DEK: variants seen among roughly 807,000 people sequenced by gnomAD.
DEK encodes the protein DEK proto-oncogene.
Under a neutral mutation model 46.8 loss-of-function variants are expected in DEK, and 28 were observed. The observed-to-expected ratio is 0.60, with a 90% CI of 0.44 to 0.82. The LOEUF (loss-of-function observed/expected upper bound fraction) is 0.82, where lower values mean the gene tolerates loss of function less well. DEK is among the 40% of genes least tolerant of loss of function. The pLI is 0.00. For missense variants in DEK, 416 were observed against 430.6 expected, an observed-to-expected ratio of 0.97 and a Z score of 0.30; for synonymous variants, 160 against 144.5, an observed-to-expected ratio of 1.11 and a Z score of -0.77.
chr6:18,257,859 G>T, intron 4 of DEK, 94 bp downstream of exon 4: 1 of 836,498 alleles, frequency 1.2e-6, no homozygotes, highest in Non-Finnish European at 1.9e-6. Flanking sequence ...GTCATAAAGT[G>T]TGGAAATTGA....
Position 18,264,200 on chromosome 6 carries a change from A to G in DEK, c.-10+185T>C, listed in dbSNP as rs374671820. On this transcript the variant is annotated intron_variant, in intron 1 of 10. Coordinates refer to ENST00000652689, the MANE Select transcript of DEK (RefSeq NM_003472.4). ...GCCGTCCAGGGATTCCCGAGGCGGG[A>G]AACCGCGCCCGCTGCCCCGCGTGCG... is the stretch of plus-strand genomic sequence containing the variant. The G allele has an allele frequency of 4.4e-5, 18 of 408,990 alleles. No individual in the cohort carries two copies. The East Asian group carries it at 4.7e-4, about 11-fold the overall frequency. 25.3% of individuals were successfully genotyped at this position (408,990 alleles called of 1,614,324 possible).
chr6:18,237,410 G>C lies in DEK; in HGVS notation c.869C>G (p.Thr290Ser). Residue 290 changes from threonine to serine, a missense_variant, in exon 8 of 11, where the codon ACC (threonine) becomes AGC (serine). By Grantham distance (58) the Thr-to-Ser change is moderately conservative (BLOSUM62 1). Transcript: ENST00000652689. ...TTTGGAACTGTTTTGATTCTTCTTG[G>C]TGGTGCTGCTATCTGCTTTCTTAAC... ...ANVKKADSST[T>S]KKNQNSSKKE... 1 of 1,603,564 alleles carries C rather than the reference G, an allele frequency of 6.2e-7. No individual in the cohort carries two copies.
At chr6:18,245,353 T>C (rs1320192768) in intron 7 of DEK, among the ~76,000 whole-genome samples, 1 of 152,232 alleles carries the variant, frequency 6.6e-6, no homozygotes, top group African/African-American at 2.4e-5. Context: ...GGCCCTAGAA[T>C]GTCCCTGTCT....
At position 18,259,430 on chromosome 6, in the gene DEK, A is replaced by AAAAAAAAAAAT. The variant is rs1554162685; in HGVS notation, c.146-1026_146-1025insATTTTTTTTTT. ...AAAAAAAAAAAAAAAAAAAAAAAAA[A>AAAAAAAAAAAT]AAATCTAGAAAACAGGTAGCATATA... On this transcript the variant is annotated intron_variant, in intron 2 of 10. Coordinates refer to ENST00000652689, the MANE Select transcript of DEK (RefSeq NM_003472.4). Among the ~76,000 whole-genome samples the AAAAAAAAAAAT allele has an allele frequency of 2.8e-4, 27 of 96,842 alleles. 3 individuals carry two copies. The highest frequency in any genetic ancestry group is 4.9e-3 in the Middle Eastern group (1 of 206). 63.5% of individuals were successfully genotyped at this position (96,842 alleles called of 152,430 possible).
At chr6:18,225,908 T>C (rs1025781688) in intron 10 of DEK, 178 bp from the exon 11 acceptor site, 9 of 781,526 alleles carry the variant, frequency 1.2e-5, no homozygotes, top group Admixed American at 3.1e-5. Flanking sequence ...CAAGTATTTG[T>C]GAGAGCAACG....
At chr6:18,239,044 C>A (rs762316497) in intron 7 of DEK, among the ~76,000 whole-genome samples, 12 of 152,108 alleles carry the variant, frequency 7.9e-5, no homozygotes, top group Non-Finnish European at 2.9e-5. Context: ...CCTGCCTCAG[C>A]CTCTTGAGTA....
rs1238634763 is a variant in DEK at position 18,249,773 on chromosome 6, C to A, written c.640G>T (p.Ala214Ser). 1 of 1,613,752 alleles carries A rather than the reference C, an allele frequency of 6.2e-7. No homozygotes were observed. The stretch of plus-strand genomic sequence containing the variant: ...CATTTGGTTCGCTTAGCCTTCCTTG[C>A]CATTCCAGAACTGTTCCGTTCCTTT... ...SKKERNSSGM[A>S]RKAKRTKCPE... is the part of the protein sequence containing the mutation. The change falls in exon 7 of 11, where the codon GCA becomes TCA. Residue 214 changes from alanine (A) to serine (S), a missense_variant. Ala to Ser is a moderately conservative substitution (Grantham distance 99). Transcript: ENST00000652689.
chr6:18,227,830 ACTT>A (rs1790209553), intron 9 of DEK, among the ~76,000 whole-genome samples: 1 of 152,072 alleles, frequency 6.6e-6, no homozygotes. Flanking sequence ...TTTAGGGAAA[ACTT>A]CTTTCTTCTC....
At chr6:18,235,229 TTCC>T (rs1319970342) in intron 9 of DEK, among the ~76,000 whole-genome samples, 1 of 152,236 alleles carries the variant, frequency 6.6e-6, no homozygotes, top group African/African-American at 2.4e-5. Flanking sequence ...AGCCTCTGAA[TTCC>T]TCATTTATTT....
At position 18,256,272 on chromosome 6, in the gene DEK, C is replaced by A; in HGVS notation, c.452+89G>T. The A allele has an allele frequency of 2.6e-6, 3 of 1,147,204 alleles. No homozygotes were observed. In the South Asian group the frequency reaches 4.6e-5, roughly 17 times the overall value. The allele number at this position is 1,147,204 out of a possible 1,614,324, so 71.1% of individuals were successfully genotyped here. A position where few individuals can be genotyped will look rare whatever the true frequency, so the allele number is the denominator to read the frequency against. The stretch of plus-strand genomic sequence containing the variant: ...AAAGTGCTGGGATTACAGGTGTGAG[C>A]CACTGTGCCTGGCCCGAATGTGATT... On this transcript the variant is annotated intron_variant, in intron 5 of 10. Transcript: ENST00000652689.
intron 9 of DEK, among the ~76,000 whole-genome samples, chr6:18,228,823 G>T (rs989197368): frequency 6.6e-6 from 1 of 152,256 alleles, no homozygotes; most frequent in Non-Finnish European, 1.5e-5. Context: ...GCAAGGCTGG[G>T]GGAGGGGCGC....
At chr6:18,238,994 G>C in intron 7 of DEK, among the ~76,000 whole-genome samples, 1 of 151,868 alleles carries the variant, frequency 6.6e-6, no homozygotes, top group East Asian at 1.9e-4. Flanking sequence ...GCATGATCTC[G>C]GCTCACCGCA....
chr6:18,225,437 C>T lies in DEK; in HGVS notation c.*282G>A, dbSNP rs1561969195. 4 of 379,618 alleles carry T rather than the reference C, an allele frequency of 1.1e-5. No individual in the cohort carries two copies. The highest frequency in any genetic ancestry group is 1.9e-5 in the Non-Finnish European group (4 of 211,030). The allele number at this position is 379,618 out of a possible 1,614,324, so 23.5% of individuals were successfully genotyped here. A position where few individuals can be genotyped will look rare whatever the true frequency, so the allele number is the denominator to read the frequency against. ...CTAAAAACCACAACAGCTCAAGAAT[C>T]TATGACCTTATATAAAGAAATCCAA... On this transcript the variant is annotated 3_prime_UTR_variant, in exon 11 of 11. Transcript: ENST00000652689.
chr6:18,235,082 TA>T (rs1790589330), intron 9 of DEK, among the ~76,000 whole-genome samples: 1 of 152,240 alleles, frequency 6.6e-6, no homozygotes, highest in Admixed American at 6.5e-5. Flanking sequence ...ACTGTCATTT[TA>T]ATGATGATAT....
In DEK at chr6:18,257,277, C is replaced by T. The variant is rs924305093; in HGVS notation, c.357+676G>A. 2.0e-5 allele frequency among the ~76,000 whole-genome samples: 3 copies of T among 152,012 alleles called. No individual in the cohort carries two copies. The South Asian group carries it at 6.2e-4, about 32-fold the overall frequency. Reference sequence around the variant, plus strand: ...ATGTATGATCTCATACAAATCATACCGACATTCACTTATTCTGAATGTCGA... The same window carrying T: ...ATGTATGATCTCATACAAATCATACTGACATTCACTTATTCTGAATGTCGA... On this transcript the variant is annotated intron_variant, in intron 4 of 10. Coordinates refer to ENST00000652689, the MANE Select transcript of DEK (RefSeq NM_003472.4).
intron 7 of DEK, among the ~76,000 whole-genome samples, chr6:18,242,096 G>A (rs1462854244): frequency 6.6e-6 from 1 of 152,210 alleles, no homozygotes; most frequent in Non-Finnish European, 1.5e-5. Flanking sequence ...TAAACAAGAA[G>A]CTTTAGAAAG....
chr6:18,243,357 G>A (rs575756920), intron 7 of DEK, among the ~76,000 whole-genome samples: 2 of 151,782 alleles, frequency 1.3e-5, no homozygotes, highest in African/African-American at 4.8e-5. Context: ...AAAATGCTCA[G>A]GTATAGAATA....
chr6:18,259,789 C>A (rs151221791), intron 2 of DEK, among the ~76,000 whole-genome samples: 1 of 152,172 alleles, frequency 6.6e-6, no homozygotes, highest in Admixed American at 6.5e-5. Context: ...AGCACGTGTG[C>A]TGGCTTTTAA....
chr6:18,249,261 T>G (rs1791258116), intron 7 of DEK, among the ~76,000 whole-genome samples: 1 of 152,226 alleles, frequency 6.6e-6, no homozygotes, highest in East Asian at 1.9e-4. Flanking sequence ...CCTTGCTTTT[T>G]CCGTAAAATA....
Sources: gnomAD v4.1 joint callset for allele counts (sites outside exome capture counted in the v4.1 genomes callset) on GRCh38, gnomAD v4.1.1 for gene constraint, MANE v1.5 for transcripts, NCBI Gene and HGNC (gene_info 2026-07-23, HGNC 2026-07-21) for gene names.